Variants in AGBL4 observed in about 807,000 individuals in gnomAD.
The protein encoded by AGBL4 is AGBL carboxypeptidase 4, also known as cytosolic carboxypeptidase 6.
A neutral mutation model predicts 66.4 loss-of-function variants in AGBL4; 58 were observed. The observed-to-expected ratio is 0.87, with a 90% CI of 0.71 to 1.09. The LOEUF is 1.09. Among genes scored for constraint, AGBL4 ranks in the 50% least tolerant of loss-of-function variants. The pLI, the probability that AGBL4 is intolerant of heterozygous loss-of-function variation, is 0.00. For missense variants in AGBL4, 579 were observed against 631.0 expected (o/e 0.92, Z 0.88); for synonymous variants, 234 against 222.9 (o/e 1.05, Z -0.44).
chr1:49,772,040 G>A (rs1191623796), intron 2 of AGBL4, among the ~76,000 whole-genome samples: 1 of 151,944 alleles, frequency 6.6e-6, no homozygotes, highest in Non-Finnish European at 1.5e-5. Flanking sequence ...TTGTTTTGTA[G>A]ATCCCTTCTT....
At chr1:49,966,372 T>A (rs903553401) in intron 1 of AGBL4, among the ~76,000 whole-genome samples, 1 of 152,232 alleles carries the variant, frequency 6.6e-6, no homozygotes, top group African/African-American at 2.4e-5. Flanking sequence ...CTTAAGTACA[T>A]TGCATATTAA....
intron 5 of AGBL4, among the ~76,000 whole-genome samples, chr1:49,038,922 A>G (rs984034744): frequency 1.3e-5 from 2 of 152,114 alleles, no homozygotes; most frequent in Admixed American, 1.3e-4. Context: ...CAGCTTTATC[A>G]TAACTGCCAA....
At chr1:48,742,773 T>C (rs200465195) in intron 6 of AGBL4, 4 of 1,566,890 alleles carry the variant, frequency 2.6e-6, no homozygotes, top group Non-Finnish European at 2.6e-6. Context: ...TGGCGGGACC[T>C]AGGCAGTTAA....
At chr1:48,562,139 C>A (rs992217081) in intron 11 of AGBL4, among the ~76,000 whole-genome samples, 3 of 152,172 alleles carry the variant, frequency 2.0e-5, no homozygotes, top group Admixed American at 6.5e-5. Flanking sequence ...ATGTTCCTCT[C>A]AATCGTGAGT....
intron 5 of AGBL4, among the ~76,000 whole-genome samples, chr1:49,006,212 G>A (rs996140148): frequency 1.3e-5 from 2 of 152,238 alleles, no homozygotes; most frequent in South Asian, 2.1e-4. Context: ...TGCCTCACTC[G>A]GGAAGCGCAA....
chr1:49,621,290 G>T (rs907363660), intron 3 of AGBL4, among the ~76,000 whole-genome samples: 4 of 152,128 alleles, frequency 2.6e-5, no homozygotes, highest in African/African-American at 9.7e-5. Flanking sequence ...AACTTGATGC[G>T]TCCACACTAC....
chr1:49,550,864 G>A (rs1231916126), intron 3 of AGBL4, among the ~76,000 whole-genome samples: 3 of 152,132 alleles, frequency 2.0e-5, no homozygotes, highest in African/African-American at 7.2e-5. Context: ...CAAGGCTGAA[G>A]TTTTCCTCAA....
Position 49,617,154 on chromosome 1 carries a change from A to C in AGBL4, c.282+80159T>G, listed in dbSNP as rs145077065. Among the ~76,000 whole-genome samples, 599 of 152,026 alleles carry C rather than the reference A, an allele frequency of 3.9e-3. 1 individual carries two copies. Among genetic ancestry groups the C allele is most frequent in the Admixed American group, 0.01 (153 of 15,252 alleles). On this transcript the variant is annotated intron_variant, in intron 3 of 13. Coordinates refer to ENST00000371839, the MANE Select transcript of AGBL4 (RefSeq NM_032785.4). Reference sequence around the variant, plus strand: ...CTCTTTAGCCTCATCTTCCATTAATATTTCCCTCACTCACTCTGTTTCAGC... The same window carrying C: ...CTCTTTAGCCTCATCTTCCATTAATCTTTCCCTCACTCACTCTGTTTCAGC...
In AGBL4 at chr1:48,583,417, C is replaced by T. The variant is rs1348662203; in HGVS notation, c.1267+3587G>A. 3.9e-5 allele frequency among the ~76,000 whole-genome samples: 6 copies of T among 152,310 alleles called. No homozygotes were observed. In the East Asian group the frequency reaches 9.6e-4, roughly 24 times the overall value. On this transcript the variant is annotated intron_variant, in intron 11 of 13. Coordinates refer to ENST00000371839, the MANE Select transcript of AGBL4 (RefSeq NM_032785.4). ...TACAGATTAGGAAACTAATCTGAGG[C>T]CCAGTGAGGTTATACAACTCACCCA...
chr1:49,080,148 A>C (rs1644783473), intron 4 of AGBL4, among the ~76,000 whole-genome samples: 1 of 152,202 alleles, frequency 6.6e-6, no homozygotes, highest in African/African-American at 2.4e-5. Flanking sequence ...TGTGTGAAAA[A>C]CAACCAACAA....
At chr1:48,794,406 A>G (rs1042384124) in intron 6 of AGBL4, among the ~76,000 whole-genome samples, 1 of 152,110 alleles carries the variant, frequency 6.6e-6, no homozygotes, top group African/African-American at 2.4e-5. Context: ...CTCTCCTTCA[A>G]TTACTACCTT....
intron 1 of AGBL4, among the ~76,000 whole-genome samples, chr1:49,903,768 T>C (rs113046827): frequency 6.6e-5 from 10 of 152,234 alleles, no homozygotes; most frequent in African/African-American, 2.4e-4. Context: ...CTGAAGTATG[T>C]AGGCTGAAGG....
chr1:49,709,955 G>T (rs986050570), intron 2 of AGBL4, among the ~76,000 whole-genome samples: 1 of 152,208 alleles, frequency 6.6e-6, no homozygotes, highest in Non-Finnish European at 1.5e-5. Context: ...ATGCTGGAGA[G>T]GATGTGGAGA....
At chr1:48,626,829 T>C (rs1208634027) in intron 9 of AGBL4, among the ~76,000 whole-genome samples, 1 of 152,180 alleles carries the variant, frequency 6.6e-6, no homozygotes, top group Non-Finnish European at 1.5e-5. Context: ...ACAGTCCAGT[T>C]CCCAGAGTTG....
rs191370241 is a variant in AGBL4, at chr1:49,404,145, G to A, written c.283-158281C>T. Among the ~76,000 whole-genome samples, 14 of 152,108 alleles carry A rather than the reference G, an allele frequency of 9.2e-5. No homozygotes were observed. In the East Asian group the frequency reaches 2.7e-3, roughly 29 times the overall value. On this transcript the variant is annotated intron_variant, in intron 3 of 13. Transcript: ENST00000371839. ...GGCCACCCCCCATTCATACATTAAA[G>A]CCCCAACCCCTAGTGATGCTGTATT... is the stretch of plus-strand genomic sequence containing the variant.
In AGBL4 at chr1:48,786,590, G is replaced by C. The variant is rs147524939; in HGVS notation, c.634+80601C>G. Among the ~76,000 whole-genome samples the C allele has an allele frequency of 5.1e-4, 78 of 152,312 alleles. 1 individual carries two copies. The South Asian group carries it at 9.9e-3, about 19-fold the overall frequency. ...ACCATTCCAATCATTCATGTCTTAA[G>C]TAACTAATAATTTTGTAAACACTGA... On this transcript the variant is annotated intron_variant, in intron 6 of 13. Coordinates refer to ENST00000371839, the MANE Select transcript of AGBL4 (RefSeq NM_032785.4).
chr1:49,982,390 C>T (rs1659128600), intron 1 of AGBL4, among the ~76,000 whole-genome samples: 1 of 152,240 alleles, frequency 6.6e-6, no homozygotes, highest in Non-Finnish European at 1.5e-5. Flanking sequence ...TGCTGACACA[C>T]CAGCCCCCTG....
chr1:48,945,633 A>G (rs1408557962), intron 5 of AGBL4, among the ~76,000 whole-genome samples: 1 of 152,210 alleles, frequency 6.6e-6, no homozygotes, highest in Non-Finnish European at 1.5e-5. Flanking sequence ...GTACCTGGTA[A>G]ATACTCAGTT....
chr1:49,132,549 T>A (rs1362734636), intron 4 of AGBL4, among the ~76,000 whole-genome samples: 1 of 152,132 alleles, frequency 6.6e-6, no homozygotes, highest in Admixed American at 6.6e-5. Context: ...CCAAGTTCTA[T>A]GCCACTGGAA....
Sources: allele counts gnomAD v4.1 joint callset (sites outside exome capture counted in the v4.1 genomes callset), GRCh38; gene constraint gnomAD v4.1.1; transcripts MANE v1.5; gene names NCBI Gene and HGNC (gene_info 2026-07-23, HGNC 2026-07-21).